Variants in XRCC5 observed in about 807,000 individuals in gnomAD.
XRCC5 encodes the protein X-ray repair cross complementing 5.
A neutral mutation model predicts 95.7 loss-of-function variants in XRCC5; 12 were observed. The observed-to-expected ratio is 0.13, with a 90% CI of 0.08 to 0.20. The LOEUF (loss-of-function observed/expected upper bound fraction) is 0.20. XRCC5 is among the 10% of genes least tolerant of loss of function. The probability of loss-of-function intolerance (pLI) is 1.00; values close to 1 mark genes in which losing one functional copy is unlikely to be tolerated. For synonymous variants in XRCC5, 281 were observed against 290.3 expected (o/e 0.97, Z 0.33); for missense variants, 595 against 873.9 (o/e 0.68, Z 4.02).
chr2:216,149,200 T>A (rs952779523), intron 14 of XRCC5, among the ~76,000 whole-genome samples: 3 of 152,208 alleles, frequency 2.0e-5, no homozygotes, highest in African/African-American at 7.2e-5. Context: ...CAGGTTTCTA[T>A]AAATCATTGA....
chr2:216,130,348 A>C (rs1043050499), intron 8 of XRCC5, among the ~76,000 whole-genome samples: 1 of 152,074 alleles, frequency 6.6e-6, no homozygotes, highest in African/African-American at 2.4e-5. Context: ...TAAATATAGA[A>C]AAATATATAA....
chr2:216,137,147 C>G lies in XRCC5; in HGVS notation c.1173C>G (p.Ala391=). ...CTTTGGATGACTTAGACATGGTGGCCATAGTTCGATATGCTTATGACAAAA... is the reference window on the plus strand; with the variant it reads ...CTTTGGATGACTTAGACATGGTGGCGATAGTTCGATATGCTTATGACAAAA... ...IHALDDLDMV[A]IVRYAYDKRA... Residue 391 remains alanine, a synonymous_variant, in exon 11 of 21, where the codon GCC becomes GCG. Coordinates refer to ENST00000392132, the MANE Select transcript of XRCC5 (RefSeq NM_021141.4). 1 of 1,614,022 alleles carries G rather than the reference C, an allele frequency of 6.2e-7. No individual in the cohort carries two copies. Among genetic ancestry groups the G allele is most frequent in the South Asian group, 1.1e-5 (1 of 91,042 alleles).
At chr2:216,151,693 C>G (rs1002829088) in intron 14 of XRCC5, among the ~76,000 whole-genome samples, 10 of 152,184 alleles carry the variant, frequency 6.6e-5, no homozygotes, top group Admixed American at 4.6e-4. Context: ...TCCCTAGGAC[C>G]TGGCAAAGTG....
chr2:216,196,133 G>A lies in XRCC5; in HGVS notation c.2109+1147G>A, dbSNP rs1254784228. Among the ~76,000 whole-genome samples the A allele has an allele frequency of 2.6e-5, 4 of 151,918 alleles. No individual in the cohort carries two copies. The South Asian group carries it at 8.3e-4, about 32-fold the overall frequency. On this transcript the variant is annotated intron_variant, in intron 19 of 20. Transcript: ENST00000392132. The stretch of plus-strand genomic sequence containing the variant: ...ATCTTCAATTTTCAACTCAAGAAAG[G>A]CATTTGGCAGAAACCATGTTTGGAA...
At chr2:216,142,658 C>G (rs1310950026) in intron 13 of XRCC5, among the ~76,000 whole-genome samples, 1 of 152,116 alleles carries the variant, frequency 6.6e-6, no homozygotes, top group African/African-American at 2.4e-5. Flanking sequence ...AGTAGAGGGC[C>G]CTTTTCTGCA....
intron 16 of XRCC5, among the ~76,000 whole-genome samples, chr2:216,182,767 A>G (rs950016300): frequency 1.3e-5 from 2 of 152,242 alleles, no homozygotes. Flanking sequence ...TAGTTACACT[A>G]GGCAGTGCAT....
At chr2:216,127,711 C>G (rs1305809922) in intron 8 of XRCC5, 37 bp downstream of exon 8, 1 of 1,552,688 alleles carries the variant, frequency 6.4e-7, no homozygotes, top group Admixed American at 2.1e-5. Flanking sequence ...GCCTAAAAGA[C>G]ATTTTCTTCA....
chr2:216,186,222 A>T (rs917986609), intron 16 of XRCC5, among the ~76,000 whole-genome samples: 2 of 152,160 alleles, frequency 1.3e-5, no homozygotes, highest in African/African-American at 4.8e-5. Flanking sequence ...CAAAGAACAG[A>T]GGTAGTGAGT....
intron 12 of XRCC5, 82 bp from the exon 13 acceptor site, chr2:216,141,104 G>A (rs115782481): frequency 3.5e-5 from 54 of 1,539,856 alleles, no homozygotes; most frequent in Admixed American, 5.3e-5. Flanking sequence ...CAATATTGCC[G>A]TGGATATCTC....
At position 216,143,544 on chromosome 2, in the gene XRCC5, G is replaced by A. The variant is rs114848321; in HGVS notation, c.1476+2225G>A. On this transcript the variant is annotated intron_variant, in intron 13 of 20. Transcript: ENST00000392132. ...TTTTTATATTCCAAAGCTGCTGCAA[G>A]CACGGGCTTTGATTTTTATTAGTTT... Among the ~76,000 whole-genome samples, 1,127 of 152,198 alleles carry A rather than the reference G, an allele frequency of 7.4e-3. 7 individuals carry two copies. The highest frequency in any genetic ancestry group is 0.026 in the African/African-American group (1,061 of 41,520).
chr2:216,117,442 C>G, intron 3 of XRCC5: 1 of 356,280 alleles, frequency 2.8e-6, no homozygotes, highest in Non-Finnish European at 5.2e-6. Context: ...TAAGAATGGA[C>G]TGTGGCCACC....
chr2:216,125,554 T>C (rs1696888197), intron 6 of XRCC5, among the ~76,000 whole-genome samples: 1 of 152,158 alleles, frequency 6.6e-6, no homozygotes, highest in African/African-American at 2.4e-5. Flanking sequence ...AGTGAATCCT[T>C]TATATTGTGT....
At chr2:216,153,425 T>C (rs1276838644) in intron 14 of XRCC5, among the ~76,000 whole-genome samples, 2 of 152,244 alleles carry the variant, frequency 1.3e-5, no homozygotes, top group Non-Finnish European at 1.5e-5. Context: ...TTGAACCTTA[T>C]GCTGAAGATA....
chr2:216,183,157 G>C (rs530440465), intron 16 of XRCC5, among the ~76,000 whole-genome samples: 2 of 152,288 alleles, frequency 1.3e-5, no homozygotes, highest in African/African-American at 4.8e-5. Flanking sequence ...AAGGCCAAGA[G>C]ACCTTCCATA....
chr2:216,167,553 CGTGTGTGTGTGTGGGTTTGT>C (rs1277369345), intron 16 of XRCC5, among the ~76,000 whole-genome samples: 6 of 141,852 alleles, frequency 4.2e-5, no homozygotes, highest in African/African-American at 1.0e-4. Context: ...AAATCTCTCT[CGTGTGTGTGTGTGGGTTTGT>C]GTGTGTGTGT....
chr2:216,110,967 A>C (rs1179406518), intron 1 of XRCC5, among the ~76,000 whole-genome samples: 1 of 152,130 alleles, frequency 6.6e-6, no homozygotes, highest in Non-Finnish European at 1.5e-5. Context: ...AGTGAAAAAT[A>C]ATCTTTTCTT....
intron 19 of XRCC5, among the ~76,000 whole-genome samples, chr2:216,203,359 G>A (rs930045955): frequency 8.5e-5 from 13 of 152,152 alleles, no homozygotes; most frequent in Non-Finnish European, 1.6e-4. Context: ...AGGCAGGCAT[G>A]CTACCAGAAA....
intron 19 of XRCC5, among the ~76,000 whole-genome samples, chr2:216,196,919 TAAAC>T (rs1028628350): frequency 7.2e-5 from 11 of 152,308 alleles, no homozygotes; most frequent in Admixed American, 4.6e-4. Flanking sequence ...CAATTTTTGT[TAAAC>T]AAGTAAATCA....
Position 216,127,583 on chromosome 2 carries a change from A to C in XRCC5, c.846A>C (p.Lys282Asn). 6.2e-7 allele frequency: 1 copy of C among 1,612,380 alleles called. No individual in the cohort carries two copies. Among genetic ancestry groups the C allele is most frequent in the South Asian group, 1.1e-5 (1 of 90,674 alleles). Residue 282 changes from lysine to asparagine, a missense_variant, in exon 8 of 21, where the codon AAA (lysine) becomes AAC (asparagine). Lys to Asn is a moderately conservative substitution (Grantham distance 94). Coordinates refer to ENST00000392132, the MANE Select transcript of XRCC5 (RefSeq NM_021141.4). ...VKKTWTVVDA[K>N]TLKKEDIQKE... ...AGACTTGGACAGTTGTGGATGCAAA[A>C]ACCCTAAAAAAAGAAGATATACAAA...
Sources: allele counts gnomAD v4.1 joint callset (sites outside exome capture counted in the v4.1 genomes callset), GRCh38; gene constraint gnomAD v4.1.1; transcripts MANE v1.5; gene names NCBI Gene and HGNC (gene_info 2026-07-23, HGNC 2026-07-21).